JAKMIP3: variants seen among roughly 807,000 people sequenced by gnomAD.
The protein encoded by JAKMIP3 is Janus kinase and microtubule interacting protein 3.
In JAKMIP3, 58 loss-of-function variants were observed where a neutral mutation model predicts 118.5. That is an observed-to-expected ratio of 0.49 (90% CI 0.40 to 0.61). The LOEUF is 0.61. Among genes scored for constraint, JAKMIP3 ranks in the 20% least tolerant of loss-of-function variants. The pLI, the probability that JAKMIP3 is intolerant of heterozygous loss-of-function variation, is 0.00. For missense variants in JAKMIP3, 950 were observed against 1,109.0 expected (o/e 0.86, Z 2.04); for synonymous variants, 486 against 451.2 (o/e 1.08, Z -0.98).
chr10:132,180,598 CGT>C (rs1197889748), intron 23 of JAKMIP3, among the ~76,000 whole-genome samples: 207 of 7,360 alleles, frequency 0.028, 34 homozygotes, highest in African/African-American at 0.075. Context: ...TGTGTGTGTG[CGT>C]GCGCGTGTGT....
At chr10:132,046,779 C>T (rs1789403936) in intron 1 of JAKMIP3, among the ~76,000 whole-genome samples, 1 of 152,192 alleles carries the variant, frequency 6.6e-6, no homozygotes, top group Admixed American at 6.5e-5. Context: ...GAAGCTGAGG[C>T]AAAATTAACC....
chr10:132,176,829 A>T (rs935507132), intron 23 of JAKMIP3, among the ~76,000 whole-genome samples: 2 of 151,700 alleles, frequency 1.3e-5, no homozygotes, highest in Admixed American at 6.6e-5. Context: ...CTTCTTGAAC[A>T]TTCCTGTGGA....
chr10:132,112,803 G>A lies in JAKMIP3; in HGVS notation c.136-4274G>A, dbSNP rs1243828898. Among the ~76,000 whole-genome samples, 2 of 152,144 alleles carry A rather than the reference G, an allele frequency of 1.3e-5. No homozygotes were observed. Among genetic ancestry groups the A allele is most frequent in the Non-Finnish European group, 2.9e-5 (2 of 68,026 alleles). ...TTGGACACCGGCTCACATGGTGGAC[G>A]CATCTGACTCTCCAGCCGCCGCTTC... On this transcript the variant is annotated intron_variant, in intron 2 of 23. Transcript: ENST00000684848. This position sits in a 1 kb window ranked among gnomAD's most constrained non-coding sequence, Gnocchi z 4.3.
chr10:132,092,387 A>T (rs1013403450), intron 1 of JAKMIP3, among the ~76,000 whole-genome samples: 1 of 152,122 alleles, frequency 6.6e-6, no homozygotes. Flanking sequence ...CATTCTCCCC[A>T]TCACTTTCAG....
chr10:132,080,344 C>T (rs1375279180), intron 1 of JAKMIP3, among the ~76,000 whole-genome samples: 1 of 152,026 alleles, frequency 6.6e-6, no homozygotes, highest in East Asian at 1.9e-4. Flanking sequence ...GGTGGCGTTG[C>T]ATAGTGGTTT....
At chr10:132,136,775 G>T (rs1188394802) in intron 6 of JAKMIP3, among the ~76,000 whole-genome samples, 2 of 152,160 alleles carry the variant, frequency 1.3e-5, no homozygotes, top group Non-Finnish European at 2.9e-5. Flanking sequence ...TGGGAGACCC[G>T]CAGGGCCCAT....
At chr10:132,145,496 T>C (rs2054422933) in intron 12 of JAKMIP3, 22 bp from the exon 13 acceptor site, 1 of 1,549,546 alleles carries the variant, frequency 6.5e-7, no homozygotes, top group African/African-American at 1.4e-5. Context: ...GTGTCTTTAT[T>C]TCTTTCAATT....
intron 1 of JAKMIP3, among the ~76,000 whole-genome samples, chr10:132,037,956 A>T (rs1281328431): frequency 6.6e-6 from 1 of 152,232 alleles, no homozygotes; most frequent in Non-Finnish European, 1.5e-5. Flanking sequence ...GAAGCCGGGA[A>T]TGTCACTCCT....
chr10:132,137,764 CA>C (rs2052133310), intron 8 of JAKMIP3, among the ~76,000 whole-genome samples: 1 of 152,250 alleles, frequency 6.6e-6, no homozygotes, highest in Non-Finnish European at 1.5e-5. Context: ...GCCACCCCTG[CA>C]GGGTCCGGAG....
chr10:132,099,052 A>T (rs1362983383), intron 1 of JAKMIP3, among the ~76,000 whole-genome samples: 1 of 152,064 alleles, frequency 6.6e-6, no homozygotes, highest in African/African-American at 2.4e-5. Context: ...CCACCCCAGG[A>T]TGCCCCCGAA....
At position 132,168,030 on chromosome 10, in the gene JAKMIP3, G is replaced by GA. The variant is rs1564996424; in HGVS notation, c.*102dup. On this transcript the variant is annotated 3_prime_UTR_variant, in exon 23 of 24. Transcript: ENST00000684848. Reference sequence around the variant, plus strand: ...AAATGGGACGTCGCGTCTCCATCCTGAAGACCCAGGGAGATTTGGTCTCTG... The same window carrying GA: ...AAATGGGACGTCGCGTCTCCATCCTGAAAGACCCAGGGAGATTTGGTCTCTG... 1.6e-6 allele frequency: 2 copies of GA among 1,289,506 alleles called. No individual in the cohort carries two copies. Among genetic ancestry groups the GA allele is most frequent in the Admixed American group, 4.6e-5 (2 of 43,548 alleles). 79.9% of individuals were successfully genotyped at this position (1,289,506 alleles called of 1,614,324 possible).
Position 132,104,871 on chromosome 10 carries a change from G to A in JAKMIP3, c.63G>A (p.Leu21=), listed in dbSNP as rs1274820580. Residue 21 remains leucine (L), a synonymous_variant, in exon 2 of 24, where the codon CTG becomes CTA. Coordinates refer to ENST00000684848, the MANE Select transcript of JAKMIP3 (RefSeq NM_001323087.2). ...KGDKAEALAA[L]QAANEDLRAK... ...ACAAGGCAGAGGCCCTCGCGGCGCT[G>A]CAGGCGGCCAACGAGGATCTTCGAG... 2 of 1,567,590 alleles carry A rather than the reference G, an allele frequency of 1.3e-6. No individual in the cohort carries two copies. Among genetic ancestry groups the A allele is most frequent in the Non-Finnish European group, 1.7e-6 (2 of 1,156,878 alleles).
chr10:132,142,218 T>C (rs1436380788), intron 11 of JAKMIP3, among the ~76,000 whole-genome samples, 170 bp downstream of exon 11: 1 of 151,944 alleles, frequency 6.6e-6, no homozygotes, highest in East Asian at 1.9e-4. Context: ...AAACCAGGGA[T>C]TGGGGATCCC....
intron 1 of JAKMIP3, among the ~76,000 whole-genome samples, chr10:132,052,527 T>C (rs1011604075): frequency 1.5e-4 from 23 of 152,226 alleles, no homozygotes; most frequent in African/African-American, 5.5e-4. Flanking sequence ...CTGAGAGACC[T>C]ACTCATTCTA....
chr10:132,097,975 C>CACCT lies in JAKMIP3; in HGVS notation c.-137-6697_-137-6696insACCT, dbSNP rs1554928317. Among the ~76,000 whole-genome samples, 2 of 34,582 alleles carry CACCT rather than the reference C, an allele frequency of 5.8e-5. 1 individual carries two copies. The highest frequency in any genetic ancestry group is 1.9e-4 in the African/African-American group (2 of 10,760). 22.7% of individuals were successfully genotyped at this position (34,582 alleles called of 152,430 possible). On this transcript the variant is annotated intron_variant, in intron 1 of 23. Transcript: ENST00000684848. ...ATCCCCTTTCCCTTTCCTTCCTTTTCTCCCCTTCCCCTTCCCCTTCCCCTT... is the reference window on the plus strand; with the variant it reads ...ATCCCCTTTCCCTTTCCTTCCTTTTCACCTTCCCCTTCCCCTTCCCCTTCCCCTT...
intron 1 of JAKMIP3, among the ~76,000 whole-genome samples, chr10:132,058,546 C>T (rs780565701): frequency 2.6e-5 from 4 of 152,240 alleles, no homozygotes; most frequent in African/African-American, 4.8e-5. Context: ...CCCCGGAGGC[C>T]GCTCCCCTGG....
chr10:132,063,559 T>C (rs2038481823), upstream of JAKMIP3, among the ~76,000 whole-genome samples: 3 of 152,236 alleles, frequency 2.0e-5, no homozygotes, highest in South Asian at 6.2e-4. Context: ...CTCCCTAAGC[T>C]GGAACGCCGG....
intron 2 of JAKMIP3, among the ~76,000 whole-genome samples, chr10:132,110,835 C>T (rs11146188): frequency 0.05 from 7,621 of 152,228 alleles, 367 homozygotes; most frequent in East Asian, 0.2. Context: ...ACCGCAGGGG[C>T]GTGAACTCGG....
At chr10:132,039,367 C>T (rs2037639903) in intron 1 of JAKMIP3, among the ~76,000 whole-genome samples, 2 of 151,176 alleles carry the variant, frequency 1.3e-5, no homozygotes, top group African/African-American at 2.4e-5. Flanking sequence ...CCCCGTCTGC[C>T]CTGCCTTGCC....
Sources: allele counts gnomAD v4.1 joint callset (sites outside exome capture counted in the v4.1 genomes callset), GRCh38; gene constraint gnomAD v4.1.1; non-coding constraint Gnocchi (gnomAD v3.1); transcripts MANE v1.5; gene names NCBI Gene and HGNC (gene_info 2026-07-23, HGNC 2026-07-21).